The following NAALADL2 variants were observed in gnomAD, a reference collection of about 807,000 sequenced individuals.
The protein encoded by NAALADL2 is inactive N-acetylated-alpha-linked acidic dipeptidase-like protein 2.
A neutral mutation model predicts 87.2 loss-of-function variants in NAALADL2; 76 were observed. The observed-to-expected ratio is 0.87, with a 90% CI of 0.72 to 1.05. The LOEUF is 1.05. Among genes scored for constraint, NAALADL2 ranks in the 50% least tolerant of loss-of-function variants. NAALADL2 has a pLI of 0.00. For synonymous variants in NAALADL2, 354 were observed against 331.0 expected (o/e 1.07, Z -0.75); for missense variants, 1,089 against 945.8 (o/e 1.15, Z -1.99).
chr3:175,406,107 T>G (rs1257764443), intron 5 of NAALADL2, among the ~76,000 whole-genome samples: 1 of 152,154 alleles, frequency 6.6e-6, no homozygotes, highest in East Asian at 1.9e-4. Context: ...ATATCATAAT[T>G]TCCGGTCATG....
At chr3:175,534,037 T>A (rs4642136) in intron 9 of NAALADL2, among the ~76,000 whole-genome samples, 96,691 of 149,678 alleles carry the variant, frequency 0.65, 34,984 homozygotes, top group East Asian at 0.86. Flanking sequence ...ATTTATTTAT[T>A]ATAAATAAAT....
At chr3:175,314,666 CTATATATATATA>C (rs60572633) in intron 4 of NAALADL2, among the ~76,000 whole-genome samples, 896 of 30,566 alleles carry the variant, frequency 0.029, 3 homozygotes, top group Non-Finnish European at 0.04. Context: ...ATAGTTCTAA[CTATATATATATA>C]TATATATATA....
intron 2 of NAALADL2, among the ~76,000 whole-genome samples, chr3:174,678,555 T>A (rs1449674192): frequency 1.3e-5 from 2 of 152,196 alleles, no homozygotes; most frequent in Admixed American, 6.6e-5. Context: ...TCTTCATTTA[T>A]GCCATTTGAT....
intron 11 of NAALADL2, among the ~76,000 whole-genome samples, chr3:175,630,906 T>C (rs931246333): frequency 6.6e-6 from 1 of 151,640 alleles, no homozygotes; most frequent in African/African-American, 2.4e-5. Flanking sequence ...ATTACTAGTA[T>C]TATGTCAATA....
At chr3:175,224,091 G>T (rs968466180) in intron 2 of NAALADL2, among the ~76,000 whole-genome samples, 11 of 152,094 alleles carry the variant, frequency 7.2e-5, no homozygotes, top group Admixed American at 5.9e-4. Context: ...AGCAACACAG[G>T]TCTATTGCAA....
At chr3:175,412,719 GA>G (rs1713759003) in intron 5 of NAALADL2, among the ~76,000 whole-genome samples, 1 of 151,322 alleles carries the variant, frequency 6.6e-6, no homozygotes, top group South Asian at 2.1e-4. Context: ...TAAAATAAGA[GA>G]AAAAAATTCT....
At chr3:174,766,886 T>C (rs1383435452) in intron 3 of NAALADL2, among the ~76,000 whole-genome samples, 1 of 152,222 alleles carries the variant, frequency 6.6e-6, no homozygotes, top group Non-Finnish European at 1.5e-5. Flanking sequence ...GGCTGAAATT[T>C]CTTTACTATC....
intron 1 of NAALADL2, among the ~76,000 whole-genome samples, chr3:174,549,135 C>T (rs1560047291): frequency 6.6e-6 from 1 of 152,238 alleles, no homozygotes. Context: ...GCCACCACGT[C>T]TGGCTTGCTA....
intron 1 of NAALADL2, among the ~76,000 whole-genome samples, chr3:175,025,436 A>G (rs1036026698): frequency 1.1e-4 from 16 of 152,260 alleles, no homozygotes; most frequent in Admixed American, 9.2e-4. Flanking sequence ...AGTTACATGA[A>G]CCATCTGATT....
rs114433757 is a variant in NAALADL2, at chr3:175,663,835, C to T, written c.1896+36449C>T. On this transcript the variant is annotated intron_variant, in intron 11 of 13. Transcript: ENST00000454872. ...GTGGTATTTGTAATATTAAAGAATACGTAATTCCTAGAAAACATAATAAAA... is the reference window on the plus strand; with the variant it reads ...GTGGTATTTGTAATATTAAAGAATATGTAATTCCTAGAAAACATAATAAAA... Among the ~76,000 whole-genome samples, 288 of 151,870 alleles carry T rather than the reference C, an allele frequency of 1.9e-3. 2 individuals carry two copies. The highest frequency in any genetic ancestry group is 3.5e-3 in the Middle Eastern group (1 of 286).
chr3:175,449,685 G>A (rs1216449657), intron 6 of NAALADL2, among the ~76,000 whole-genome samples: 2 of 152,022 alleles, frequency 1.3e-5, no homozygotes, highest in African/African-American at 2.4e-5. Flanking sequence ...GAGCCACCAC[G>A]CCCAGCCTTA....
At chr3:174,904,720 C>T (rs1373700112) in intron 1 of NAALADL2, among the ~76,000 whole-genome samples, 1 of 151,826 alleles carries the variant, frequency 6.6e-6, no homozygotes, top group African/African-American at 2.4e-5. Context: ...ATGTTAACAG[C>T]TGGAGCTACC....
At chr3:175,648,938 G>T (rs1402989783) in intron 11 of NAALADL2, among the ~76,000 whole-genome samples, 1 of 152,122 alleles carries the variant, frequency 6.6e-6, no homozygotes, top group Non-Finnish European at 1.5e-5. Flanking sequence ...ATTTAGTTCA[G>T]AAATAAAAAA....
At chr3:174,932,888 C>T (rs1013989681) in intron 1 of NAALADL2, among the ~76,000 whole-genome samples, 11 of 152,118 alleles carry the variant, frequency 7.2e-5, no homozygotes, top group Admixed American at 6.6e-5. Flanking sequence ...GAGGCTGAGG[C>T]GGACGGGTCA....
intron 2 of NAALADL2, among the ~76,000 whole-genome samples, chr3:174,570,442 T>C (rs1267982881): frequency 6.6e-6 from 1 of 152,208 alleles, no homozygotes; most frequent in Admixed American, 6.5e-5. Context: ...ATAAACAATT[T>C]ATTAGATTGT....
intron 2 of NAALADL2, among the ~76,000 whole-genome samples, chr3:174,625,321 G>A (rs892110680): frequency 3.9e-5 from 6 of 151,962 alleles, no homozygotes; most frequent in Non-Finnish European, 5.9e-5. Context: ...GCCTCCCAAA[G>A]TGTTAGTACT....
intron 9 of NAALADL2, among the ~76,000 whole-genome samples, chr3:175,560,575 TG>T (rs1430610446): frequency 6.6e-6 from 1 of 152,232 alleles, no homozygotes; most frequent in Non-Finnish European, 1.5e-5. Flanking sequence ...GTTGTTTATT[TG>T]TTTTTTTCTT....
chr3:175,415,205 C>T (rs1275438741), intron 5 of NAALADL2, among the ~76,000 whole-genome samples: 1 of 151,994 alleles, frequency 6.6e-6, no homozygotes, highest in African/African-American at 2.4e-5. Context: ...TTGGTTGGTG[C>T]AAAAGTAATT....
intron 3 of NAALADL2, among the ~76,000 whole-genome samples, chr3:175,240,349 A>T (rs1043151203): frequency 3.9e-5 from 6 of 152,250 alleles, no homozygotes; most frequent in Non-Finnish European, 5.9e-5. Context: ...TCAAAGAGAC[A>T]AAAATACAAA....
Sources: gnomAD v4.1 joint callset for allele counts (sites outside exome capture counted in the v4.1 genomes callset) on GRCh38, gnomAD v4.1.1 for gene constraint, MANE v1.5 for transcripts, NCBI Gene and HGNC (gene_info 2026-07-23, HGNC 2026-07-21) for gene names.